Variants in NTN4 observed in about 807,000 individuals in gnomAD.
NTN4 encodes netrin 4.
Under a neutral mutation model 73.6 loss-of-function variants are expected in NTN4, and 32 were observed. The ratio of observed to expected loss-of-function variants is 0.44; its 90% confidence interval spans 0.33 to 0.58. The LOEUF is 0.58. NTN4 is among the 20% of genes least tolerant of loss of function. The pLI, the probability that NTN4 is intolerant of heterozygous loss-of-function variation, is 0.04. For synonymous variants in NTN4, 258 were observed against 287.5 expected (o/e 0.90, Z 1.04); for missense variants, 654 against 798.3 (o/e 0.82, Z 2.18).
chr12:95,750,873 G>C (rs1166792383), intron 2 of NTN4, among the ~76,000 whole-genome samples: 1 of 152,142 alleles, frequency 6.6e-6, no homozygotes, highest in Non-Finnish European at 1.5e-5. Context: ...CCGGCTTACA[G>C]TTTCCTTCCG....
chr12:95,771,853 T>C (rs1016390212), intron 2 of NTN4, among the ~76,000 whole-genome samples: 20 of 152,052 alleles, frequency 1.3e-4, no homozygotes, highest in Non-Finnish European at 2.4e-4. Context: ...ATCTGATTAG[T>C]ACTTTGCCTT....
intron 2 of NTN4, among the ~76,000 whole-genome samples, chr12:95,756,702 T>C (rs544440865): frequency 6.6e-6 from 1 of 152,258 alleles, no homozygotes; most frequent in South Asian, 2.1e-4. Flanking sequence ...GTATGATCTC[T>C]CTTTTTTTTC....
chr12:95,788,222 G>T (rs2121311635), intron 1 of NTN4, among the ~76,000 whole-genome samples: 1 of 152,236 alleles, frequency 6.6e-6, no homozygotes, highest in Admixed American at 6.5e-5. Flanking sequence ...TCTCTTCAGG[G>T]TTTCTACCTG....
At position 95,682,057 on chromosome 12, in the gene NTN4, C is replaced by CTTTTTTTTTTTTTTTTTTTTT. The variant is rs557973212; in HGVS notation, c.1510+629_1510+649dup. 9.3e-5 allele frequency among the ~76,000 whole-genome samples: 6 copies of CTTTTTTTTTTTTTTTTTTTTT among 64,540 alleles called. 1 individual carries two copies. The highest frequency in any genetic ancestry group is 1.0e-4 in the Non-Finnish European group (4 of 38,702). 42.3% of individuals were successfully genotyped at this position (64,540 alleles called of 152,430 possible). ...TTCCAAACCTAATATATTCAGTAGG[C>CTTTTTTTTTTTTTTTTTTTTT]TTTTTTTTTTTTTTTTTTTTTTTGA... On this transcript the variant is annotated intron_variant, in intron 7 of 9. Coordinates refer to ENST00000343702, the MANE Select transcript of NTN4 (RefSeq NM_021229.4).
chr12:95,734,069 CAAAAAA>C (rs34550049), intron 3 of NTN4, among the ~76,000 whole-genome samples: 3 of 94,230 alleles, frequency 3.2e-5, no homozygotes, highest in African/African-American at 9.3e-5. Context: ...GACTCCATTT[CAAAAAA>C]AAAAAAAAAA....
chr12:95,774,526 T>C (rs2079078721), intron 2 of NTN4, among the ~76,000 whole-genome samples: 1 of 152,258 alleles, frequency 6.6e-6, no homozygotes, highest in Non-Finnish European at 1.5e-5. Context: ...TACAAGTAGT[T>C]AACTGAACAG....
intron 7 of NTN4, among the ~76,000 whole-genome samples, chr12:95,674,840 A>C (rs2078260713): frequency 6.6e-6 from 1 of 152,230 alleles, no homozygotes. Context: ...TGGGGACATC[A>C]CAGACCTAAC....
chr12:95,689,477 A>G (rs2078386206), intron 5 of NTN4, among the ~76,000 whole-genome samples: 1 of 152,114 alleles, frequency 6.6e-6, no homozygotes, highest in African/African-American at 2.4e-5. Flanking sequence ...TCTTCCCATA[A>G]CAATCTTTCA....
At chr12:95,699,024 T>TAAAAA (rs34883760) in intron 5 of NTN4, among the ~76,000 whole-genome samples, 15 of 140,406 alleles carry the variant, frequency 1.1e-4, no homozygotes, top group African/African-American at 3.9e-4. Context: ...CTTCTTGGAT[T>TAAAAA]AAAAAAAAAA....
chr12:95,750,161 C>G (rs1314432863), intron 2 of NTN4, among the ~76,000 whole-genome samples: 1 of 150,928 alleles, frequency 6.6e-6, no homozygotes, highest in Admixed American at 6.6e-5. Context: ...ATTTCTGTGC[C>G]CCGACCCCTT....
rs1326185912 is a variant in NTN4 at position 95,789,587 on chromosome 12, T to TCCAGTTA, written c.55+661_55+667dup. Reference sequence around the variant, plus strand: ...CATCTGCCGACGCCGACGCCGGTTGTCCAGTTACCGAGCCAGGGAGCAGAC... The same window carrying TCCAGTTA: ...CATCTGCCGACGCCGACGCCGGTTGTCCAGTTACCAGTTACCGAGCCAGGGAGCAGAC... On this transcript the variant is annotated intron_variant, in intron 1 of 9. Coordinates refer to ENST00000343702, the MANE Select transcript of NTN4 (RefSeq NM_021229.4). This position sits in a 1 kb window ranked among gnomAD's most constrained non-coding sequence, Gnocchi z 4.0. Among the ~76,000 whole-genome samples, 11 of 152,086 alleles carry TCCAGTTA rather than the reference T, an allele frequency of 7.2e-5. No individual in the cohort carries two copies.
chr12:95,773,160 C>T (rs532097908), intron 2 of NTN4, among the ~76,000 whole-genome samples: 6 of 152,194 alleles, frequency 3.9e-5, no homozygotes, highest in East Asian at 3.9e-4. Flanking sequence ...CCTGCCACCA[C>T]GCCCAGCTAA....
chr12:95,706,878 G>A (rs1158286705), intron 5 of NTN4, among the ~76,000 whole-genome samples: 1 of 152,126 alleles, frequency 6.6e-6, no homozygotes, highest in Admixed American at 6.5e-5. Context: ...GAATCACCTG[G>A]AGGGCTTGTG....
chr12:95,785,133 AT>A (rs2079158484), intron 2 of NTN4, among the ~76,000 whole-genome samples: 1 of 152,220 alleles, frequency 6.6e-6, no homozygotes, highest in African/African-American at 2.4e-5. Flanking sequence ...TCTTTAAATA[AT>A]TGCTGGACTG....
At chr12:95,716,804 CTTAT>C (rs2078608915) in intron 3 of NTN4, among the ~76,000 whole-genome samples, 1 of 151,862 alleles carries the variant, frequency 6.6e-6, no homozygotes, top group Admixed American at 6.6e-5. Context: ...TTTAATTTTA[CTTAT>C]TTATTTTTAA....
intron 2 of NTN4, among the ~76,000 whole-genome samples, chr12:95,766,909 C>G (rs1210226255): frequency 6.6e-6 from 1 of 151,980 alleles, no homozygotes; most frequent in Non-Finnish European, 1.5e-5. Flanking sequence ...GATAAGTCCA[C>G]CTCTCTGGTG....
chr12:95,729,912 C>A (rs74965394), intron 3 of NTN4, among the ~76,000 whole-genome samples: 2 of 152,104 alleles, frequency 1.3e-5, no homozygotes, highest in African/African-American at 4.8e-5. Flanking sequence ...TTCCTTCTCC[C>A]CATGAACCCA....
intron 6 of NTN4, 38 bp from the exon 7 acceptor site, chr12:95,682,860 A>T (rs1361533660): frequency 3.2e-6 from 4 of 1,249,566 alleles, no homozygotes; most frequent in Non-Finnish European, 4.7e-6. Context: ...GTATTCAGGA[A>T]TTTTTTAGAA....
At chr12:95,738,193 C>A (rs1245971968) in intron 2 of NTN4, 49 bp from the exon 3 acceptor site, 1 of 1,510,950 alleles carries the variant, frequency 6.6e-7, no homozygotes, top group East Asian at 2.3e-5. Context: ...GTGCGCAAAC[C>A]CTGAATTGTT....
Sources: allele counts gnomAD v4.1 joint callset (sites outside exome capture counted in the v4.1 genomes callset), GRCh38; gene constraint gnomAD v4.1.1; non-coding constraint Gnocchi (gnomAD v3.1); transcripts MANE v1.5; gene names NCBI Gene and HGNC (gene_info 2026-07-23, HGNC 2026-07-21).